SLC33A2: variants seen among roughly 807,000 people sequenced by gnomAD.
The protein encoded by SLC33A2 is solute carrier family 33 member 2.
the SLC33A2 span, chr8:144,510,425 T>C: frequency 9.3e-6 from 15 of 1,612,824 alleles, no homozygotes; most frequent in East Asian, 2.2e-5. Flanking sequence ...TGCTCCCGAG[T>C]TGGGACTGTG....
chr8:144,511,024 C>T, the SLC33A2 span: 3 of 1,603,290 alleles, frequency 1.9e-6, no homozygotes, highest in Non-Finnish European at 2.5e-6. Context: ...CACGCTGGAG[C>T]TGCTGGGGAA....
At chr8:144,511,105 C>T in the SLC33A2 span, 1 of 1,610,278 alleles carries the variant, frequency 6.2e-7, no homozygotes, top group East Asian at 2.2e-5. Flanking sequence ...CTTGCTCCTG[C>T]TCATCCTCTC....
chr8:144,510,707 G>A, the SLC33A2 span: 2 of 1,578,448 alleles, frequency 1.3e-6, no homozygotes, highest in African/African-American at 2.7e-5. Context: ...CATGGACGCT[G>A]GCACAATCTT....
At chr8:144,510,212 G>C in the SLC33A2 span, 1 of 1,337,682 alleles carries the variant, frequency 7.5e-7, no homozygotes. Flanking sequence ...ATCCCTGAGC[G>C]CTCTCTCGGG....
At chr8:144,510,215 C>T in the SLC33A2 span, 1 of 1,373,434 alleles carries the variant, frequency 7.3e-7, no homozygotes, top group Admixed American at 2.1e-5. Context: ...CCTGAGCGCT[C>T]TCTCGGGCTG....
chr8:144,510,676 C>T, the SLC33A2 span: 1 of 1,560,130 alleles, frequency 6.4e-7, no homozygotes, highest in Non-Finnish European at 8.7e-7. Context: ...TGGTCTTCCA[C>T]CTGGACACCC....
the SLC33A2 span, chr8:144,510,468 C>T: frequency 6.2e-7 from 1 of 1,612,742 alleles, no homozygotes; most frequent in African/African-American, 1.3e-5. Context: ...TGCTCCATCG[C>T]TGGCTCCTCC....
chr8:144,509,784 G>A, the SLC33A2 span: 20 of 1,553,446 alleles, frequency 1.3e-5, no homozygotes, highest in South Asian at 1.2e-5. Context: ...CGCGCTAGCT[G>A]GGGGCGCGCT....
the SLC33A2 span, chr8:144,510,416 G>C: frequency 3.1e-6 from 5 of 1,612,884 alleles, no homozygotes; most frequent in Non-Finnish European, 4.2e-6. Context: ...CGGCGTTTCT[G>C]CTCCCGAGTT....
the SLC33A2 span, chr8:144,509,966 C>T: frequency 1.9e-6 from 3 of 1,596,094 alleles, no homozygotes; most frequent in East Asian, 2.2e-5. Flanking sequence ...ACGTGCTAGC[C>T]GTGCCGGGGA....
At chr8:144,510,806 T>C in the SLC33A2 span, 1 of 1,611,590 alleles carries the variant, frequency 6.2e-7, no homozygotes, top group Non-Finnish European at 8.5e-7. Context: ...TCAGCCTTGC[T>C]GAGCCTATGT....
At chr8:144,510,401 G>A in the SLC33A2 span, 1 of 1,612,788 alleles carries the variant, frequency 6.2e-7, no homozygotes, top group Non-Finnish European at 8.5e-7. Flanking sequence ...TCTCCTGCTG[G>A]ACCACGGCGT....
chr8:144,510,838 C>G, the SLC33A2 span: 6 of 1,610,818 alleles, frequency 3.7e-6, no homozygotes, highest in Non-Finnish European at 5.1e-6. Context: ...CTTGGGAGGC[C>G]TGGTCACCAC....
chr8:144,509,994 T>C, the SLC33A2 span: 1 of 1,595,980 alleles, frequency 6.3e-7, no homozygotes, highest in East Asian at 2.2e-5. Context: ...GACGGCAGGC[T>C]TTGTGCTCAC....
the SLC33A2 span, chr8:144,509,721 G>A: frequency 1.9e-6 from 3 of 1,567,688 alleles, no homozygotes; most frequent in South Asian, 1.2e-5. Flanking sequence ...GCTGGAGCCG[G>A]CCGAACTGGG....
At chr8:144,509,687 C>G in the SLC33A2 span, 15 of 1,561,076 alleles carry the variant, frequency 9.6e-6, no homozygotes, top group African/African-American at 1.9e-4. Context: ...AGGATGTGGC[C>G]CTGGACGCGC....
chr8:144,509,757 G>A, the SLC33A2 span: 1 of 1,563,976 alleles, frequency 6.4e-7, no homozygotes. Flanking sequence ...GCAGGTGGTC[G>A]CGTACAAGCT....
the SLC33A2 span, chr8:144,509,864 C>T: frequency 2.6e-6 from 4 of 1,538,376 alleles, no homozygotes; most frequent in African/African-American, 4.1e-5. Context: ...ACTGGCTGGC[C>T]GCGGCCCTGG....
At chr8:144,509,840 C>T in the SLC33A2 span, 678 of 1,538,076 alleles carry the variant, frequency 4.4e-4, 8 homozygotes, top group East Asian at 0.013. Flanking sequence ...TCTTTCTGCT[C>T]CTGGCTGCCA....
Sources: allele counts gnomAD v4.1 joint callset, GRCh38; gene constraint gnomAD v4.1.1; transcripts MANE v1.5; gene names NCBI Gene and HGNC (gene_info 2026-07-23, HGNC 2026-07-21).